Variants in COL5A2 observed in about 807,000 individuals in gnomAD.
COL5A2 encodes the protein collagen type V alpha 2 chain, also known as collagen alpha-2(V) chain.
Under a neutral mutation model 208.2 loss-of-function variants are expected in COL5A2, and 23 were observed. The ratio of observed to expected loss-of-function variants is 0.11; its 90% CI spans 0.08 to 0.16. The LOEUF is 0.16. Ranked by LOEUF, COL5A2 falls within the 10% of genes least tolerant of loss-of-function variation. The pLI is 1.00. For missense variants in COL5A2, 1,590 were observed against 1,956.4 expected (o/e 0.81, Z 3.53); for synonymous variants, 625 against 628.5 (o/e 0.99, Z 0.08).
chr2:189,276,275 G>A, the COL5A2 span, among the ~76,000 whole-genome samples: 60 of 152,064 alleles, frequency 3.9e-4, no homozygotes, highest in Admixed American at 5.9e-4. Flanking sequence ...CAAATTAGGC[G>A]GTGTGTACTC....
rs372463833 is a variant in COL5A2, at chr2:189,208,339, G to A, written c.-42+16809C>T. Among the ~76,000 whole-genome samples the A allele has an allele frequency of 2.6e-5, 4 of 152,288 alleles. No homozygotes were observed. The South Asian group carries it at 6.2e-4, about 24-fold the overall frequency. The stretch of plus-strand genomic sequence containing the variant: ...TAAGGAGTCCATACACACTTGATTT[G>A]AATGAATGAACAAACAATCTATAGA... On this transcript the variant is annotated intron_variant, in intron 1 of 10. Transcript: ENST00000649966.
chr2:189,357,306 C>T, the COL5A2 span, among the ~76,000 whole-genome samples: 13 of 152,132 alleles, frequency 8.5e-5, no homozygotes, highest in African/African-American at 1.2e-4. Flanking sequence ...CAGGCAGGGA[C>T]GTTTAAGTCT....
chr2:189,271,176 C>T, the COL5A2 span, among the ~76,000 whole-genome samples: 1 of 152,104 alleles, frequency 6.6e-6, no homozygotes, highest in East Asian at 1.9e-4. Flanking sequence ...TCATATGGAA[C>T]CAAAAAACAG....
At chr2:189,284,916 T>G in the COL5A2 span, among the ~76,000 whole-genome samples, 1 of 152,142 alleles carries the variant, frequency 6.6e-6, no homozygotes, top group Non-Finnish European at 1.5e-5. Flanking sequence ...GTATAAGGTA[T>G]GCTTGGATAA....
In COL5A2 at chr2:189,072,034, T is replaced by G; in HGVS notation, c.1158+6A>C. The G allele has an allele frequency of 2.5e-6, 4 of 1,586,786 alleles. No homozygotes were observed. Among genetic ancestry groups the G allele is most frequent in the Non-Finnish European group, 3.5e-6 (4 of 1,157,774 alleles). On this transcript the variant is annotated splice_donor_region_variant and intron_variant, in intron 18 of 53. Coordinates refer to ENST00000374866, the MANE Select transcript of COL5A2 (RefSeq NM_000393.5). ...TAAATACTGTATATTAACATTAACA[T>G]CTTACCTTCATTCCAGGATTTCCTG...
intron 41 of COL5A2, among the ~76,000 whole-genome samples, 166 bp from the exon 42 acceptor site, chr2:189,051,647 G>A (rs72902374): frequency 8.4e-6 from 1 of 119,134 alleles, no homozygotes. Context: ...CAAAACAAAA[G>A]AAAACACAGC....
Position 189,149,340 on chromosome 2 carries a change from A to C in COL5A2, c.97+30168T>G, listed in dbSNP as rs541791408. Among the ~76,000 whole-genome samples, 8 of 152,358 alleles carry C rather than the reference A, an allele frequency of 5.3e-5. No individual in the cohort carries two copies. In the South Asian group the frequency reaches 1.7e-3, roughly 32 times the overall value. ...AAACAAAATTGTTTTAGAAAGTGAAATAAATGAAGTAATACTTGCTGATTA... is the reference window on the plus strand; with the variant it reads ...AAACAAAATTGTTTTAGAAAGTGAACTAAATGAAGTAATACTTGCTGATTA... On this transcript the variant is annotated intron_variant, in intron 1 of 53. Coordinates refer to ENST00000374866, the MANE Select transcript of COL5A2 (RefSeq NM_000393.5).
chr2:189,371,620 G>A, the COL5A2 span, among the ~76,000 whole-genome samples: 14 of 152,328 alleles, frequency 9.2e-5, no homozygotes, highest in East Asian at 1.5e-3. Context: ...CTGGGAATCT[G>A]TGGAAGTTTA....
chr2:189,391,200 C>T, the COL5A2 span, among the ~76,000 whole-genome samples: 27 of 152,200 alleles, frequency 1.8e-4, no homozygotes, highest in East Asian at 5.8e-4. Context: ...TCTTGTAACA[C>T]GGCATTTGAG....
intron 1 of COL5A2, among the ~76,000 whole-genome samples, chr2:189,149,402 A>C (rs1688102302): frequency 6.6e-6 from 1 of 152,188 alleles, no homozygotes; most frequent in Non-Finnish European, 1.5e-5. Flanking sequence ...TGATAACTAA[A>C]ACTTTGGCCT....
the COL5A2 span, among the ~76,000 whole-genome samples, chr2:189,373,053 T>A: frequency 3.3e-5 from 5 of 152,182 alleles, no homozygotes; most frequent in African/African-American, 9.6e-5. Context: ...TAAAAACTTT[T>A]TTTCCATATG....
At chr2:189,307,979 T>C in the COL5A2 span, among the ~76,000 whole-genome samples, 1 of 152,208 alleles carries the variant, frequency 6.6e-6, no homozygotes, top group Non-Finnish European at 1.5e-5. Context: ...TCTTTTACTT[T>C]ACTTTCTTAA....
chr2:189,202,707 A>G (rs1689093795), intron 1 of COL5A2, among the ~76,000 whole-genome samples: 1 of 152,130 alleles, frequency 6.6e-6, no homozygotes, highest in Non-Finnish European at 1.5e-5. Context: ...GGGCATGATG[A>G]ATTTGAGAAT....
In COL5A2 at chr2:189,066,385, T is replaced by C. The variant is rs777118100; in HGVS notation, c.1563+5A>G. The C allele has an allele frequency of 3.7e-6, 6 of 1,610,464 alleles. No individual in the cohort carries two copies. Among genetic ancestry groups the C allele is most frequent in the Non-Finnish European group, 5.1e-6 (6 of 1,176,804 alleles). ...GTAAGAATGTGTTGTATTATTTAAA[T>C]TTACCCTTTCTCCCACTGGCCCTGG... On this transcript the variant is annotated splice_donor_5th_base_variant and intron_variant, in intron 23 of 53. Transcript: ENST00000374866.
intron 1 of COL5A2, among the ~76,000 whole-genome samples, chr2:189,177,257 AT>A (rs901110001): frequency 6.6e-6 from 1 of 152,190 alleles, no homozygotes; most frequent in African/African-American, 2.4e-5. Context: ...TGTGCCTCAG[AT>A]ATTTCTTTAA....
intron 1 of COL5A2, among the ~76,000 whole-genome samples, chr2:189,121,019 A>G (rs962188029): frequency 6.6e-6 from 1 of 151,894 alleles, no homozygotes; most frequent in African/African-American, 2.4e-5. Flanking sequence ...CGGAGTTTAC[A>G]GACTACTGAG....
At chr2:189,043,009 C>A in intron 48 of COL5A2, 142 bp downstream of exon 48, 1 of 797,372 alleles carries the variant, frequency 1.3e-6, no homozygotes, top group South Asian at 1.5e-5. Context: ...GCAATTATCA[C>A]TTGTTATTCA....
At chr2:189,411,069 C>T in the COL5A2 span, among the ~76,000 whole-genome samples, 6 of 152,174 alleles carry the variant, frequency 3.9e-5, no homozygotes, top group Non-Finnish European at 7.4e-5. Context: ...GTTTCCCAAA[C>T]CCATCATACT....
the COL5A2 span, among the ~76,000 whole-genome samples, chr2:189,302,123 T>C: frequency 6.6e-6 from 1 of 152,164 alleles, no homozygotes; most frequent in Non-Finnish European, 1.5e-5. Context: ...CTACTCTAAT[T>C]TTTGTCACTA....
Sources: gnomAD v4.1 joint callset for allele counts (sites outside exome capture counted in the v4.1 genomes callset) on GRCh38, gnomAD v4.1.1 for gene constraint, MANE v1.5 for transcripts, NCBI Gene and HGNC (gene_info 2026-07-23, HGNC 2026-07-21) for gene names.